Variants in ALCAM observed in about 807,000 individuals in gnomAD.
The protein encoded by ALCAM is CD166 antigen.
In ALCAM, 30 loss-of-function variants were observed where a neutral mutation model predicts 70.9. The observed-to-expected ratio is 0.42, with a 90% CI of 0.32 to 0.57. ALCAM has a LOEUF of 0.57. Ranked by LOEUF, ALCAM falls within the 20% of genes least tolerant of loss-of-function variation. The probability of loss-of-function intolerance (pLI) is 0.11; values close to 1 mark genes in which losing one functional copy is unlikely to be tolerated. For missense variants in ALCAM, 591 were observed against 695.1 expected (o/e 0.85, Z 1.68); for synonymous variants, 249 against 242.5 (o/e 1.03, Z -0.25).
chr3:105,571,953 C>T lies in ALCAM; in HGVS notation c.*14C>T. 3.8e-6 allele frequency: 6 copies of T among 1,593,230 alleles called. No homozygotes were observed. The highest frequency in any genetic ancestry group is 1.7e-5 in the Admixed American group (1 of 59,482). On this transcript the variant is annotated 3_prime_UTR_variant, in exon 15 of 16. Transcript: ENST00000306107. ...ACTGAAGCCTAAGAGAGAAACTGTC[C>T]TAGTTGTCCAGGTGAGTAGTCTGTA...
intron 1 of ALCAM, among the ~76,000 whole-genome samples, chr3:105,471,615 A>G (rs995504376): frequency 4.0e-5 from 6 of 151,076 alleles, no homozygotes; most frequent in African/African-American, 7.3e-5. Context: ...TTTTAATGAT[A>G]TTATTGGATT....
intron 1 of ALCAM, among the ~76,000 whole-genome samples, chr3:105,517,452 T>A (rs1229852960): frequency 6.6e-6 from 1 of 152,088 alleles, no homozygotes; most frequent in Non-Finnish European, 1.5e-5. Context: ...GCTGAGGATT[T>A]GGATTTGGAT....
intron 1 of ALCAM, among the ~76,000 whole-genome samples, chr3:105,515,219 C>T (rs1399380394): frequency 2.0e-5 from 3 of 152,044 alleles, no homozygotes; most frequent in East Asian, 1.9e-4. Context: ...GAAAAAAATA[C>T]CTTTTTCACT....
At chr3:105,401,507 A>G (rs947664680) in intron 1 of ALCAM, among the ~76,000 whole-genome samples, 1 of 152,190 alleles carries the variant, frequency 6.6e-6, no homozygotes, top group Admixed American at 6.5e-5. Flanking sequence ...TTATTCATTC[A>G]TTCATCCAGT....
chr3:105,391,151 A>G (rs1246143120), intron 1 of ALCAM, among the ~76,000 whole-genome samples: 2 of 152,100 alleles, frequency 1.3e-5, no homozygotes, highest in South Asian at 2.1e-4. Context: ...TGGTAGCTTG[A>G]TGGTAATAGC....
At chr3:105,412,838 A>C (rs891106848) in intron 1 of ALCAM, among the ~76,000 whole-genome samples, 1 of 152,130 alleles carries the variant, frequency 6.6e-6, no homozygotes, top group East Asian at 1.9e-4. Flanking sequence ...TATTAGATAC[A>C]AAATAAGAAC....
chr3:105,449,250 G>T (rs1232594828), intron 1 of ALCAM, among the ~76,000 whole-genome samples: 1 of 152,108 alleles, frequency 6.6e-6, no homozygotes, highest in Non-Finnish European at 1.5e-5. Flanking sequence ...GGTCTGCTTG[G>T]CTGCAGGTTG....
rs548183015 is a variant in ALCAM at position 105,387,368 on chromosome 3, C to T, written c.73+19887C>T. 5.5e-4 allele frequency among the ~76,000 whole-genome samples: 83 copies of T among 151,402 alleles called. No homozygotes were observed. In the Middle Eastern group the frequency reaches 0.031, roughly 56 times the overall value. ...TACTTTGCCTTCTGGAAATATTGCACAATCTATTAGCTTTTTCTCTTTAGA... is the reference window on the plus strand; with the variant it reads ...TACTTTGCCTTCTGGAAATATTGCATAATCTATTAGCTTTTTCTCTTTAGA... On this transcript the variant is annotated intron_variant, in intron 1 of 15. Transcript: ENST00000306107.
intron 14 of ALCAM, among the ~76,000 whole-genome samples, chr3:105,562,803 A>C (rs1159896690): frequency 6.6e-6 from 1 of 152,064 alleles, no homozygotes; most frequent in Non-Finnish European, 1.5e-5. Context: ...TAAATTAATT[A>C]ATTCATTTTT....
intron 1 of ALCAM, among the ~76,000 whole-genome samples, chr3:105,427,064 A>T (rs562837927): frequency 1.2e-4 from 18 of 152,018 alleles, no homozygotes; most frequent in African/African-American, 4.1e-4. Context: ...GGGGAAAAAA[A>T]GGAAATCTTT....
intron 1 of ALCAM, among the ~76,000 whole-genome samples, chr3:105,370,615 A>G (rs1303320256): frequency 1.3e-5 from 2 of 152,162 alleles, no homozygotes; most frequent in Non-Finnish European, 2.9e-5. Context: ...CAAAATTCAT[A>G]TAAATTGTAT....
At chr3:105,401,452 C>T (rs918262500) in intron 1 of ALCAM, among the ~76,000 whole-genome samples, 20 of 152,108 alleles carry the variant, frequency 1.3e-4, no homozygotes, top group Admixed American at 7.9e-4. Context: ...ACAAGAAATA[C>T]GCTGTATTTT....
intron 1 of ALCAM, among the ~76,000 whole-genome samples, chr3:105,427,925 T>A (rs1310530804): frequency 6.6e-6 from 1 of 152,002 alleles, no homozygotes; most frequent in Admixed American, 6.6e-5. Flanking sequence ...GGAGAAAACC[T>A]ATTATACTTT....
chr3:105,532,226 C>A (rs991218589), intron 4 of ALCAM, among the ~76,000 whole-genome samples, 160 bp downstream of exon 4: 2 of 152,142 alleles, frequency 1.3e-5, no homozygotes, highest in African/African-American at 4.8e-5. Context: ...GAGGGTACAA[C>A]ATGCTCACAG....
At position 105,547,185 on chromosome 3, in the gene ALCAM, A is replaced by T; in HGVS notation, c.1141A>T (p.Ser381Cys). 6.2e-7 allele frequency: 1 copy of T among 1,604,796 alleles called. No homozygotes were observed. Among genetic ancestry groups the T allele is most frequent in the Non-Finnish European group, 8.5e-7 (1 of 1,175,898 alleles). ...GCTTCGATCTAGCCCGTCATTTTCT[A>T]GTCTTCATTATCAGGATGCTGGAAA... ...IRLRSSPSFS[S>C]LHYQDAGNYV... Residue 381 changes from serine to cysteine, a missense_variant, in exon 10 of 16, where the codon AGT becomes TGT. Physicochemically the swap from Ser to Cys is moderately radical, Grantham distance 112. Coordinates refer to ENST00000306107, the MANE Select transcript of ALCAM (RefSeq NM_001627.4).
intron 1 of ALCAM, among the ~76,000 whole-genome samples, chr3:105,375,801 G>A (rs1935359988): frequency 6.6e-6 from 1 of 152,108 alleles, no homozygotes; most frequent in Admixed American, 6.6e-5. Context: ...GCATTCTTCT[G>A]TACATGCAAA....
At chr3:105,530,706 A>G (rs554416229) in intron 3 of ALCAM, among the ~76,000 whole-genome samples, 1 of 152,156 alleles carries the variant, frequency 6.6e-6, no homozygotes, top group African/African-American at 2.4e-5. Context: ...GCATGAGTTC[A>G]ACACATGGGA....
intron 15 of ALCAM, among the ~76,000 whole-genome samples, chr3:105,573,076 G>A (rs1940889524): frequency 6.6e-6 from 1 of 152,174 alleles, no homozygotes; most frequent in African/African-American, 2.4e-5. Context: ...TGTAATCCCA[G>A]CACTTTGGGA....
At chr3:105,487,787 C>G (rs1938472268) in intron 1 of ALCAM, among the ~76,000 whole-genome samples, 1 of 152,120 alleles carries the variant, frequency 6.6e-6, no homozygotes, top group Non-Finnish European at 1.5e-5. Flanking sequence ...GAAAACAAAA[C>G]CAGCTCAGGA....
Sources: gnomAD v4.1 joint callset for allele counts (sites outside exome capture counted in the v4.1 genomes callset) on GRCh38, gnomAD v4.1.1 for gene constraint, MANE v1.5 for transcripts, NCBI Gene and HGNC (gene_info 2026-07-23, HGNC 2026-07-21) for gene names.